RTCB: variants seen among roughly 807,000 people sequenced by gnomAD.
The protein encoded by RTCB is RNA 2',3'-cyclic phosphate and 5'-OH ligase.
RTCB carries 32 observed loss-of-function variants against 58.2 expected under a neutral mutation model. The ratio of observed to expected loss-of-function variants is 0.55; its 90% confidence interval spans 0.41 to 0.74. The LOEUF is 0.74. Ranked by LOEUF, RTCB falls within the 30% of genes least tolerant of loss-of-function variation. The pLI, the probability that RTCB is intolerant of heterozygous loss-of-function variation, is 0.00. For missense variants in RTCB, 523 were observed against 639.0 expected (o/e 0.82, Z 1.96); for synonymous variants, 247 against 218.6 (o/e 1.13, Z -1.15).
chr22:32,388,663 A>C (rs7285750), intron 11 of RTCB, among the ~76,000 whole-genome samples: 5,266 of 152,242 alleles, frequency 0.035, 286 homozygotes, highest in African/African-American at 0.12. Flanking sequence ...CATTCCCACC[A>C]TTCCATCCTA....
Position 32,387,692 on chromosome 22 carries a change from G to A in RTCB, c.*300C>T, listed in dbSNP as rs992774603. 6 of 309,950 alleles carry A rather than the reference G, an allele frequency of 1.9e-5. No homozygotes were observed. The highest frequency in any genetic ancestry group is 4.3e-5 in the Admixed American group (1 of 23,474). 19.2% of individuals were successfully genotyped at this position (309,950 alleles called of 1,614,324 possible). Reference sequence around the variant, plus strand: ...GATGGCTAAAGATCAGTATGACTGCGTAAGGCAGTTTGACATCTACCCATC... The same window carrying A: ...GATGGCTAAAGATCAGTATGACTGCATAAGGCAGTTTGACATCTACCCATC... On this transcript the variant is annotated 3_prime_UTR_variant, in exon 12 of 12. Coordinates refer to ENST00000216038, the MANE Select transcript of RTCB (RefSeq NM_014306.5).
chr22:32,399,758 C>T lies in RTCB; in HGVS notation c.499G>A (p.Asp167Asn). ...SKGVIPMNAKDLEEALEMGVD... is the reference protein window; with the variant it reads ...SKGVIPMNAKNLEEALEMGVD... The stretch of plus-strand genomic sequence containing the variant: ...CCCATCTCCAAGGCCTCCTCCAAGT[C>T]TCTGGATAAGTATAAAAGGTGCTAG... Residue 167 changes from aspartate to asparagine, a missense_variant and splice_region_variant, in exon 6 of 12, where the codon GAC becomes AAC. By Grantham distance (23) the Asp-to-Asn change is conservative. Transcript: ENST00000216038. 6.2e-7 allele frequency: 1 copy of T among 1,613,214 alleles called. No homozygotes were observed. The highest frequency in any genetic ancestry group is 1.3e-5 in the African/African-American group (1 of 74,980).
In RTCB at chr22:32,396,090, G is replaced by GC; in HGVS notation, c.973_974insG (p.Thr325SerfsTer17). ...CTACTGTACCTGACGGGTTAAGAAG[G>GC]TCATGGAAGAGCGGTTGACCCAGGC... On this transcript the variant is annotated frameshift_variant, in exon 8 of 12. Transcript: ENST00000216038. LOFTEE classifies it high-confidence loss of function. 1.2e-6 allele frequency: 2 copies of GC among 1,614,082 alleles called. No homozygotes were observed. The highest frequency in any genetic ancestry group is 1.7e-6 in the Non-Finnish European group (2 of 1,179,934).
rs991869879 is a variant in RTCB, at chr22:32,408,618, A to G, written c.172+137T>C. The G allele has an allele frequency of 8.9e-6, 6 of 671,340 alleles. No individual in the cohort carries two copies. The South Asian group carries it at 9.2e-5, about 10-fold the overall frequency. The allele number at this position is 671,340 out of a possible 1,614,324, so 41.6% of individuals were successfully genotyped here. A position where few individuals can be genotyped will look rare whatever the true frequency, so the allele number is the denominator to read the frequency against. Reference sequence around the variant, plus strand: ...CTGACAATGTGATCACAAATAAGTAAGTGCTTTTGGTCTTACTTTTAAGTT... The same window carrying G: ...CTGACAATGTGATCACAAATAAGTAGGTGCTTTTGGTCTTACTTTTAAGTT... On this transcript the variant is annotated intron_variant, in intron 2 of 11. Transcript: ENST00000216038.
chr22:32,387,994 A>G lies in RTCB; in HGVS notation c.1516T>C (p.Ter506GlnextTer20), dbSNP rs1318079128. Residue 506 changes from the stop codon to glutamine (Q), a stop_lost, in exon 12 of 12, where the codon TAG (stop) becomes CAG (glutamine). Transcript: ENST00000216038. The part of the protein sequence containing the change: ...KLRPIAVIKG[*>Q] ...AGGCAGCCCTGCTGTCCAAGGTTCT[A>G]TCCTTTGATCACAGCAATTGGTCTC... 6.2e-7 allele frequency: 1 copy of G among 1,606,816 alleles called. No homozygotes were observed. Among genetic ancestry groups the G allele is most frequent in the Non-Finnish European group, 8.5e-7 (1 of 1,173,384 alleles).
At chr22:32,398,136 AT>A in intron 6 of RTCB, 36 bp from the exon 7 acceptor site, 1 of 1,580,900 alleles carries the variant, frequency 6.3e-7, no homozygotes, top group Non-Finnish European at 8.5e-7. Flanking sequence ...GATAGTTTTT[AT>A]TCCAGTTTTT....
chr22:32,389,543 T>C (rs924509985), intron 11 of RTCB, among the ~76,000 whole-genome samples: 1 of 152,064 alleles, frequency 6.6e-6, no homozygotes, highest in Non-Finnish European at 1.5e-5. Context: ...AACTCCTGGC[T>C]TTAAGCGATA....
intron 3 of RTCB, chr22:32,407,638 G>GATAAGAAAC (rs1381056494): frequency 2.6e-5 from 4 of 152,678 alleles, no homozygotes; most frequent in African/African-American, 9.6e-5. Context: ...ATGTTACCAT[G>GATAAGAAAC]ATAAGAAACA....
chr22:32,412,204 G>A lies in RTCB; in HGVS notation c.-48C>T. On this transcript the variant is annotated 5_prime_UTR_variant, in exon 1 of 12. Transcript: ENST00000216038. ...ACTCCCGGCTCCGCTTTGAAGAGCCGCTGCCGCGTAGTCCGGCTTCTCAGA... is the reference window on the plus strand; with the variant it reads ...ACTCCCGGCTCCGCTTTGAAGAGCCACTGCCGCGTAGTCCGGCTTCTCAGA... The A allele has an allele frequency of 6.8e-7, 1 of 1,470,838 alleles. No individual in the cohort carries two copies. The highest frequency in any genetic ancestry group is 9.3e-7 in the Non-Finnish European group (1 of 1,078,800). 91.1% of individuals were successfully genotyped at this position (1,470,838 alleles called of 1,614,324 possible).
At chr22:32,405,710 A>T (rs1037106738) in intron 4 of RTCB, among the ~76,000 whole-genome samples, 1 of 152,012 alleles carries the variant, frequency 6.6e-6, no homozygotes, top group Non-Finnish European at 1.5e-5. Flanking sequence ...TTAAGAAAAA[A>T]TTTTTTACCC....
At chr22:32,396,028 A>C (rs200490231) in intron 8 of RTCB, 46 bp downstream of exon 8, 57 of 1,594,078 alleles carry the variant, frequency 3.6e-5, no homozygotes, top group Non-Finnish European at 4.7e-5. Context: ...AAAGCACTTA[A>C]CATCATCATG....
Position 32,412,120 on chromosome 22 carries a change from C to T in RTCB, c.37G>A (p.Glu13Lys), listed in dbSNP as rs1569444058. ...CTCCAGCAGTTTTTATTGATCTTCT[C>T]CAAGAACTGCAGCTCATCATTATAG... ...RSYNDELQFL[E>K]KINKNCWRIK... is the part of the protein sequence containing the mutation. The change falls in exon 1 of 12, where the codon GAG (glutamate) becomes AAG (lysine). Residue 13 changes from glutamate to lysine, a missense_variant. Glu to Lys is a moderately conservative substitution (Grantham distance 56). Coordinates refer to ENST00000216038, the MANE Select transcript of RTCB (RefSeq NM_014306.5). The T allele has an allele frequency of 6.2e-7, 1 of 1,608,128 alleles. No homozygotes were observed. The highest frequency in any genetic ancestry group is 8.5e-7 in the Non-Finnish European group (1 of 1,178,140).
intron 8 of RTCB, 116 bp downstream of exon 8, chr22:32,395,958 C>A: frequency 9.5e-7 from 1 of 1,053,916 alleles, no homozygotes; most frequent in Non-Finnish European, 1.4e-6. Context: ...CCTCGGCCTC[C>A]CAAAGTGTTG....
Position 32,412,101 on chromosome 22 carries a change from C to G in RTCB, c.56G>C (p.Cys19Ser). The part of the protein sequence containing the change: ...LQFLEKINKN[C>S]WRIKKGFVPN... ...CACGAAGCCCTTCTTGATCCTCCAG[C>G]AGTTTTTATTGATCTTCTCCAAGAA... Residue 19 changes from cysteine to serine, a missense_variant, in exon 1 of 12, where the codon TGC (cysteine) becomes TCC (serine). Coordinates refer to ENST00000216038, the MANE Select transcript of RTCB (RefSeq NM_014306.5). 17 of 1,609,752 alleles carry G rather than the reference C, an allele frequency of 1.1e-5. No homozygotes were observed. The highest frequency in any genetic ancestry group is 1.4e-5 in the Non-Finnish European group (17 of 1,178,954).
rs1241379446 is a variant in RTCB at position 32,408,770 on chromosome 22, C to T, written c.157G>A (p.Ala53Thr). The change falls in exon 2 of 12, where the codon GCC becomes ACC. Residue 53 changes from alanine to threonine, a missense_variant. Physicochemically the swap from Ala to Thr is moderately conservative, Grantham distance 58. Around this residue, in one of 3 missense-constraint regions of RTCB, gnomAD observed 134 missense variants for 129.9 expected, o/e 1.03. Coordinates refer to ENST00000216038, the MANE Select transcript of RTCB (RefSeq NM_014306.5). Reference protein sequence around the residue: ...EKLMFEELRNACRGGGVGGFL... With the variant: ...EKLMFEELRNTCRGGGVGGFL... ...ATGTACTTACCACCACCTCGACAGG[C>T]ATTCCTTAATTCCTCAAACATCAAT... 2 of 1,613,294 alleles carry T rather than the reference C, an allele frequency of 1.2e-6. No homozygotes were observed. Among genetic ancestry groups the T allele is most frequent in the African/African-American group, 1.3e-5 (1 of 74,916 alleles).
chr22:32,389,351 C>G (rs1361065976), intron 11 of RTCB, among the ~76,000 whole-genome samples: 1 of 152,164 alleles, frequency 6.6e-6, no homozygotes, highest in East Asian at 1.9e-4. Context: ...AACATGCTAA[C>G]TTTATCTTCC....
intron 3 of RTCB, chr22:32,407,862 A>T (rs1933454362): frequency 3.3e-6 from 1 of 305,034 alleles, no homozygotes; most frequent in African/African-American, 2.1e-5. Context: ...TCTGGGCTCA[A>T]GCAATCCTCC....
intron 4 of RTCB, among the ~76,000 whole-genome samples, chr22:32,405,901 C>T (rs767960600): frequency 3.9e-5 from 6 of 152,082 alleles, no homozygotes; most frequent in Non-Finnish European, 7.3e-5. Flanking sequence ...CAGCAGAAGG[C>T]GTATGCAACC....
intron 6 of RTCB, among the ~76,000 whole-genome samples, 190 bp from the exon 7 acceptor site, chr22:32,398,290 T>C (rs1469633036): frequency 1.3e-5 from 2 of 152,170 alleles, no homozygotes; most frequent in African/African-American, 2.4e-5. Context: ...TAACGTAGAC[T>C]AGCTCCTGAA....
Sources: gnomAD v4.1 joint callset for allele counts (sites outside exome capture counted in the v4.1 genomes callset) on GRCh38, gnomAD v4.1.1 for gene constraint, gnomAD v4.1.1 regional missense constraint, MANE v1.5 for transcripts, NCBI Gene and HGNC (gene_info 2026-07-23, HGNC 2026-07-21) for gene names.